ZSCAN5A: variants seen among roughly 807,000 people sequenced by gnomAD.
ZSCAN5A encodes the protein zinc finger and SCAN domain containing 5A.
In ZSCAN5A, 12 loss-of-function variants were observed where a neutral mutation model predicts 23.7. The ratio of observed to expected loss-of-function variants is 0.51; its 90% confidence interval spans 0.32 to 0.82. The LOEUF is 0.82. Among genes scored for constraint, ZSCAN5A ranks in the 40% least tolerant of loss-of-function variants. The pLI is 0.03. For missense variants in ZSCAN5A, 597 were observed against 617.9 expected (o/e 0.97, Z 0.36); for synonymous variants, 257 against 239.9 (o/e 1.07, Z -0.66).
intron 2 of ZSCAN5A, among the ~76,000 whole-genome samples, chr19:56,339,982 G>T (rs1002341151): frequency 2.6e-5 from 4 of 152,142 alleles, no homozygotes; most frequent in Admixed American, 2.6e-4. Flanking sequence ...CTGTTCCTGG[G>T]GATTGTCTGA....
intron 1 of ZSCAN5A, chr19:56,367,945 C>G (rs1366383971): frequency 6.6e-6 from 1 of 152,354 alleles, no homozygotes; most frequent in Non-Finnish European, 1.5e-5. Flanking sequence ...TTAAGACGCA[C>G]ATGTCCACGC....
chr19:56,273,624 T>C (rs955814599), intron 2 of ZSCAN5A, among the ~76,000 whole-genome samples: 3 of 152,038 alleles, frequency 2.0e-5, no homozygotes, highest in African/African-American at 7.3e-5. Context: ...GACTTGAATA[T>C]GCAAAGGTCC....
chr19:56,237,529 AT>A (rs995932811), intron 2 of ZSCAN5A, among the ~76,000 whole-genome samples: 15 of 152,116 alleles, frequency 9.9e-5, no homozygotes, highest in Non-Finnish European at 1.6e-4. Flanking sequence ...TATTAAATGC[AT>A]TTTTTATCTT....
At chr19:56,329,259 G>T (rs1458603050) in intron 2 of ZSCAN5A, among the ~76,000 whole-genome samples, 5 of 151,890 alleles carry the variant, frequency 3.3e-5, no homozygotes, top group African/African-American at 1.2e-4. Context: ...TGAGGCACGA[G>T]AATCAGTTGA....
intron 2 of ZSCAN5A, among the ~76,000 whole-genome samples, chr19:56,288,013 A>G (rs766894870): frequency 3.3e-5 from 5 of 152,080 alleles, no homozygotes; most frequent in Non-Finnish European, 7.4e-5. Context: ...TTATGATTCC[A>G]CTTTTCTGAT....
chr19:56,297,375 T>TC (rs1331591779), intron 2 of ZSCAN5A: 1 of 167,492 alleles, frequency 6.0e-6, no homozygotes, highest in Non-Finnish European at 1.2e-5. Context: ...TTCCTCTTCC[T>TC]CCCTCCCTCT....
At chr19:56,272,144 C>T (rs1217360304) in intron 2 of ZSCAN5A, among the ~76,000 whole-genome samples, 4 of 152,116 alleles carry the variant, frequency 2.6e-5, no homozygotes, top group Non-Finnish European at 4.4e-5. Context: ...TAAGTATAAA[C>T]GTAGACATCT....
At chr19:56,315,524 T>G (rs2041292400), upstream of ZSCAN5A, 1 of 152,224 alleles carries the variant, frequency 6.6e-6, no homozygotes, top group Non-Finnish European at 1.5e-5. Flanking sequence ...CCCTCCCAGT[T>G]CCCCTGTGAC....
chr19:56,327,828 T>C (rs899817344), intron 2 of ZSCAN5A, among the ~76,000 whole-genome samples: 8 of 152,080 alleles, frequency 5.3e-5, no homozygotes, highest in Non-Finnish European at 8.8e-5. Flanking sequence ...GTATTACATA[T>C]GCATAGTTGT....
intron 2 of ZSCAN5A, among the ~76,000 whole-genome samples, chr19:56,326,746 C>T (rs965680104): frequency 2.0e-5 from 3 of 152,106 alleles, no homozygotes; most frequent in Non-Finnish European, 1.5e-5. Flanking sequence ...CACTAGATCT[C>T]GAGTCTCCTC....
Position 56,352,604 on chromosome 19 carries a change from G to T in ZSCAN5A, c.-358+10631C>A, listed in dbSNP as rs2041674274. On this transcript the variant is annotated intron_variant, in intron 2 of 6. Coordinates refer to the ZSCAN5A transcript ENST00000587340. The surrounding 1 kb of genome is among the most constrained non-coding windows in gnomAD (Gnocchi z 4.2). ...ACTCTGAATATAGCAATGATAGTTG[G>T]TTTTTTGTAGACAATTATCAAAGTA... 1.3e-5 allele frequency among the ~76,000 whole-genome samples: 2 copies of T among 152,232 alleles called. No individual in the cohort carries two copies. The highest frequency in any genetic ancestry group is 2.1e-4 in the South Asian group (1 of 4,834).
At chr19:56,310,620 G>C (rs888273235) in intron 2 of ZSCAN5A, among the ~76,000 whole-genome samples, 2 of 152,218 alleles carry the variant, frequency 1.3e-5, no homozygotes, top group Non-Finnish European at 2.9e-5. Context: ...CTACACAGCT[G>C]AGATTTGACC....
chr19:56,226,994 T>C (rs1309401078), intron 2 of ZSCAN5A, among the ~76,000 whole-genome samples: 1 of 152,102 alleles, frequency 6.6e-6, no homozygotes, highest in Non-Finnish European at 1.5e-5. Flanking sequence ...GAACTCATAG[T>C]AGTAGTGAGT....
chr19:56,303,900 T>C (rs1215980707), intron 2 of ZSCAN5A, among the ~76,000 whole-genome samples: 10 of 152,148 alleles, frequency 6.6e-5, no homozygotes, highest in Admixed American at 5.2e-4. Flanking sequence ...AAAGCAGGCA[T>C]GCACAGCAGA....
chr19:56,316,117 C>T (rs2041307328), upstream of ZSCAN5A: 1 of 152,178 alleles, frequency 6.6e-6, no homozygotes, highest in Admixed American at 6.5e-5. Context: ...CCTGTCATAC[C>T]AGTTGCTGTG....
intron 2 of ZSCAN5A, chr19:56,342,678 G>A (rs117961063): frequency 1.0e-4 from 59 of 583,942 alleles, no homozygotes; most frequent in East Asian, 3.6e-4. Flanking sequence ...GAGTCCCCAC[G>A]GGTGAACATG....
chr19:56,321,073 T>C (rs1416502599), intron 2 of ZSCAN5A: 3 of 702,428 alleles, frequency 4.3e-6, no homozygotes, highest in Non-Finnish European at 8.1e-6. Context: ...GGAGATAGAC[T>C]GAGTATCTGC....
At chr19:56,312,569 C>T (rs1187204041) in intron 2 of ZSCAN5A, 1 of 152,128 alleles carries the variant, frequency 6.6e-6, no homozygotes, top group South Asian at 2.1e-4. Context: ...AGGAAAAGGA[C>T]GTTAGAGAAA....
At position 56,307,279 on chromosome 19, in the gene ZSCAN5A, T is replaced by C. The variant is rs181142805; in HGVS notation, c.-128+6004A>G. 3.4e-3 allele frequency among the ~76,000 whole-genome samples: 525 copies of C among 152,286 alleles called. 3 individuals are homozygous for C. Among genetic ancestry groups the C allele is most frequent in the Non-Finnish European group, 3.4e-3 (232 of 68,012 alleles). ...CCAGTGCCCTTTTTACATTAAAAAA[T>C]GTCAACTCGATCATACGATATACCC... is the stretch of plus-strand genomic sequence containing the variant. On this transcript the variant is annotated intron_variant, in intron 2 of 5. Coordinates refer to ENST00000683990, the MANE Select transcript of ZSCAN5A (RefSeq NM_001322064.3).
Sources: gnomAD v4.1 joint callset for allele counts (sites outside exome capture counted in the v4.1 genomes callset) on GRCh38, gnomAD v4.1.1 for gene constraint, Gnocchi (gnomAD v3.1) non-coding constraint, MANE v1.5 for transcripts, NCBI Gene and HGNC (gene_info 2026-07-23, HGNC 2026-07-21) for gene names.